CLK1: variants seen among roughly 807,000 people sequenced by gnomAD.
CLK1 encodes the protein CDC like kinase 1.
In CLK1, 40 loss-of-function variants were observed where a neutral mutation model predicts 60.9. The ratio of observed to expected loss-of-function variants is 0.66; its 90% confidence interval spans 0.51 to 0.86. The LOEUF is 0.86. Among genes scored for constraint, CLK1 ranks in the 40% least tolerant of loss-of-function variants. The pLI is 0.00. For missense variants in CLK1, 563 were observed against 606.1 expected, an observed-to-expected ratio of 0.93 and a Z score of 0.75; for synonymous variants, 203 against 184.4, an observed-to-expected ratio of 1.10 and a Z score of -0.82.
chr2:200,859,761 T>C lies in CLK1; in HGVS notation c.482-15A>G. ...AACAATTTCATCTAAAAGAGAGAAA[T>C]AAATCTCAGTCATATCAAGAAGTGG... On this transcript the variant is annotated splice_polypyrimidine_tract_variant and intron_variant, in intron 4 of 12. Coordinates refer to ENST00000321356, the MANE Select transcript of CLK1 (RefSeq NM_004071.4). 4.3e-6 allele frequency: 7 copies of C among 1,612,230 alleles called. No homozygotes were observed. The highest frequency in any genetic ancestry group is 5.1e-6 in the Non-Finnish European group (6 of 1,178,930).
At chr2:200,855,756 C>G (rs2039030315) in intron 9 of CLK1, among the ~76,000 whole-genome samples, 1 of 152,040 alleles carries the variant, frequency 6.6e-6, no homozygotes, top group Non-Finnish European at 1.5e-5. Flanking sequence ...TGCCTGTAAT[C>G]CCAGCACTTT....
intron 1 of CLK1, among the ~76,000 whole-genome samples, chr2:200,863,669 T>A (rs1032237447): frequency 2.0e-5 from 3 of 152,028 alleles, no homozygotes; most frequent in Non-Finnish European, 4.4e-5. Flanking sequence ...GCCAGCTTAA[T>A]ATGGTGAAAC....
chr2:200,855,051 T>A lies in CLK1; in HGVS notation c.1093A>T (p.Ile365Leu), dbSNP rs1196755572. The A allele has an allele frequency of 1.2e-6, 2 of 1,612,852 alleles. No individual in the cohort carries two copies. The highest frequency in any genetic ancestry group is 2.7e-5 in the African/African-American group (2 of 74,806). Residue 365 changes from isoleucine (I) to leucine (L), a missense_variant, in exon 10 of 13, where the codon ATA (isoleucine) becomes TTA (leucine). By Grantham distance (5) the Ile-to-Leu change is conservative. Coordinates refer to ENST00000321356, the MANE Select transcript of CLK1 (RefSeq NM_004071.4). ...GWSQPCDVWSIGCILIEYYLG... is the reference protein window; with the variant it reads ...GWSQPCDVWSLGCILIEYYLG... Reference sequence around the variant, plus strand: ...TAGTATTCAATAAGAATGCATCCTATGCTCCAGACATCACATGGTTGGGAC... The same window carrying A: ...TAGTATTCAATAAGAATGCATCCTAAGCTCCAGACATCACATGGTTGGGAC...
rs189302901 is a variant in CLK1 at position 200,854,012 on chromosome 2, C to T, written c.1221-19G>A. On this transcript the variant is annotated intron_variant, in intron 11 of 12. Coordinates refer to ENST00000321356, the MANE Select transcript of CLK1 (RefSeq NM_004071.4). Reference sequence around the variant, plus strand: ...ACGTTTCCTAAAAATAAGTCAATATCCATTCATGTTTATAACACTGAAAAC... The same window carrying T: ...ACGTTTCCTAAAAATAAGTCAATATTCATTCATGTTTATAACACTGAAAAC... 7.6e-4 allele frequency: 1,176 copies of T among 1,553,088 alleles called. 19 individuals are homozygous for T. The African/African-American group carries it at 0.014, about 19-fold the overall frequency.
intron 6 of CLK1, 27 bp downstream of exon 6, chr2:200,857,946 C>T (rs2039070341): frequency 1.2e-6 from 2 of 1,611,552 alleles, no homozygotes; most frequent in Non-Finnish European, 1.7e-6. Flanking sequence ...CCTGATACCA[C>T]TTCCCAAGTT....
intron 10 of CLK1, 39 bp downstream of exon 10, chr2:200,854,965 T>C (rs1275691991): frequency 6.6e-7 from 1 of 1,516,464 alleles, no homozygotes; most frequent in Non-Finnish European, 9.1e-7. Context: ...GGCACCTTTC[T>C]TGTGCAAAGC....
At chr2:200,863,252 T>C (rs2105743659) in intron 1 of CLK1, 1 of 152,226 alleles carries the variant, frequency 6.6e-6, no homozygotes, top group East Asian at 1.9e-4. Flanking sequence ...CCAGCCTGAG[T>C]ATAATTTTTA....
intron 1 of CLK1, chr2:200,863,148 T>C (rs1254063534): frequency 6.6e-6 from 1 of 152,250 alleles, no homozygotes; most frequent in African/African-American, 2.4e-5. Context: ...CAATTCTTTT[T>C]TTTTTAACGC....
At chr2:200,860,474 CAT>C in intron 3 of CLK1, 1 of 1,203,362 alleles carries the variant, frequency 8.3e-7, no homozygotes, top group Non-Finnish European at 1.0e-6. Context: ...GGCAACAAAA[CAT>C]AATACAATTG....
At chr2:200,858,145 G>T in intron 5 of CLK1, 56 bp from the exon 6 acceptor site, 1 of 1,125,580 alleles carries the variant, frequency 8.9e-7, no homozygotes, top group Non-Finnish European at 1.4e-6. Context: ...TCAATTCCAG[G>T]TATTACTGTC....
Position 200,853,492 on chromosome 2 carries a change from C to A in CLK1, c.1312-43G>T, listed in dbSNP as rs763139903. 6.5e-6 allele frequency: 10 copies of A among 1,545,330 alleles called. No homozygotes were observed. In the East Asian group the frequency reaches 2.2e-4, roughly 35 times the overall value. On this transcript the variant is annotated intron_variant, in intron 12 of 12. Coordinates refer to ENST00000321356, the MANE Select transcript of CLK1 (RefSeq NM_004071.4). ...ATTCATTCAACAGCCTTTTCCACTA[C>A]CATTGACTACACTATGTAACAGTAT...
At chr2:200,855,620 G>GCCC (rs34317941) in intron 9 of CLK1, among the ~76,000 whole-genome samples, 346 of 147,618 alleles carry the variant, frequency 2.3e-3, no homozygotes, top group Non-Finnish European at 4.0e-3. Flanking sequence ...GCAAGACTCC[G>GCCC]CCCCCCCCCC....
Position 200,853,380 on chromosome 2 carries a change from C to A in CLK1, c.1381G>T (p.Asp461Tyr). ...CTGAGAGTAATTCTTTTGGCTGGATCATACTCCAACATTTTCTGAATGAGG... is the reference window on the plus strand; with the variant it reads ...CTGAGAGTAATTCTTTTGGCTGGATAATACTCCAACATTTTCTGAATGAGG... ...FDLIQKMLEY[D>Y]PAKRITLREA... Residue 461 changes from aspartate to tyrosine, a missense_variant, in exon 13 of 13, where the codon GAT becomes TAT. Asp to Tyr is a radical substitution (Grantham distance 160, BLOSUM62 -3). Around this residue, in one of 3 missense-constraint regions of CLK1, gnomAD observed 360 missense variants for 407.0 expected, o/e 0.88. Transcript: ENST00000321356. 1 of 1,613,086 alleles carries A rather than the reference C, an allele frequency of 6.2e-7. No individual in the cohort carries two copies. Among genetic ancestry groups the A allele is most frequent in the Non-Finnish European group, 8.5e-7 (1 of 1,179,382 alleles).
intron 3 of CLK1, 88 bp from the exon 4 acceptor site, chr2:200,860,303 C>T (rs2039116603): frequency 1.9e-6 from 3 of 1,582,908 alleles, no homozygotes; most frequent in South Asian, 1.1e-5. Flanking sequence ...ATTCATTCAG[C>T]GGGGAGATAT....
Position 200,856,966 on chromosome 2 carries a change from C to G in CLK1, c.852G>C (p.Leu284Phe), listed in dbSNP as rs1382119761. 6.2e-7 allele frequency: 1 copy of G among 1,613,654 alleles called. No homozygotes were observed. The highest frequency in any genetic ancestry group is 1.3e-5 in the African/African-American group (1 of 74,910). Residue 284 changes from leucine to phenylalanine, a missense_variant, in exon 8 of 13, where the codon TTG becomes TTC. Physicochemically the swap from Leu to Phe is conservative, Grantham distance 22. Coordinates refer to ENST00000321356, the MANE Select transcript of CLK1 (RefSeq NM_004071.4). Reference protein sequence around the residue: ...KSVNFLHSNKLTHTDLKPENI... With the variant: ...KSVNFLHSNKFTHTDLKPENI... The stretch of plus-strand genomic sequence containing the variant: ...TTTCAGGCTTTAAGTCTGTGTGAGT[C>G]AACTTATTACTGTGCAAAACTGAGA...
chr2:200,864,146 G>A (rs1559329790), intron 1 of CLK1: 1 of 1,551,296 alleles, frequency 6.4e-7, no homozygotes. Flanking sequence ...GCACATTCTG[G>A]AACCCCAGCA....
chr2:200,864,445 G>GC (rs2039196962), intron 1 of CLK1, 119 bp downstream of exon 1: 2 of 555,712 alleles, frequency 3.6e-6, no homozygotes, highest in East Asian at 3.5e-5. Context: ...AAGGGAGCAG[G>GC]CAGTCGTCGC....
In CLK1 at chr2:200,853,191, C is replaced by A; in HGVS notation, c.*115G>T. 1 of 751,406 alleles carries A rather than the reference C, an allele frequency of 1.3e-6. No homozygotes were observed. The highest frequency in any genetic ancestry group is 2.0e-6 in the Non-Finnish European group (1 of 491,638). The allele number at this position is 751,406 out of a possible 1,614,324, so 46.5% of individuals were successfully genotyped here. On this transcript the variant is annotated 3_prime_UTR_variant, in exon 13 of 13. Coordinates refer to ENST00000321356, the MANE Select transcript of CLK1 (RefSeq NM_004071.4). ...AACCAAATTACCCAAACAAAATAAA[C>A]ATGGCAATATAAAAATGTTAAGAAT...
chr2:200,855,718 A>C (rs774994305), intron 9 of CLK1, among the ~76,000 whole-genome samples: 58 of 151,686 alleles, frequency 3.8e-4, no homozygotes, highest in Non-Finnish European at 7.1e-4. Context: ...GGTTAAATAC[A>C]ATATATATGG....
Sources: gnomAD v4.1 joint callset for allele counts (sites outside exome capture counted in the v4.1 genomes callset) on GRCh38, gnomAD v4.1.1 for gene constraint, gnomAD v4.1.1 regional missense constraint, MANE v1.5 for transcripts, NCBI Gene and HGNC (gene_info 2026-07-23, HGNC 2026-07-21) for gene names.